Variants in RAB3B observed in about 807,000 individuals in gnomAD.
The protein encoded by RAB3B is ras-related protein Rab-3B.
RAB3B carries 11 observed loss-of-function variants against 20.5 expected under a neutral mutation model. That is an observed-to-expected ratio of 0.54 (90% CI 0.34 to 0.89). The LOEUF is 0.89. Among genes scored for constraint, RAB3B ranks in the 40% least tolerant of loss-of-function variants. RAB3B has a pLI of 0.02. For missense variants in RAB3B, 225 were observed against 280.9 expected, an observed-to-expected ratio of 0.80 and a Z score of 1.42; for synonymous variants, 99 against 106.3, an observed-to-expected ratio of 0.93 and a Z score of 0.42.
In RAB3B at chr1:51,909,217, AAAG is replaced by A. The variant is rs1406051184; in HGVS notation, c.*10707_*10709del. The A allele has an allele frequency of 6.6e-6, 1 of 152,106 alleles. No individual in the cohort carries two copies. Among genetic ancestry groups the A allele is most frequent in the Admixed American group, 6.6e-5 (1 of 15,242 alleles). 9.4% of individuals were successfully genotyped at this position (152,106 alleles called of 1,614,324 possible). ...GTATTGAGGTGGAGGGAAGGAGCTG[AAAG>A]AAGGAGGGGATCCTTGGAAAGGGCT... is the stretch of plus-strand genomic sequence containing the variant. On this transcript the variant is annotated 3_prime_UTR_variant, in exon 5 of 5. Coordinates refer to ENST00000371655, the MANE Select transcript of RAB3B (RefSeq NM_002867.4).
intron 2 of RAB3B, among the ~76,000 whole-genome samples, chr1:51,942,384 T>A (rs1684506263): frequency 6.6e-6 from 1 of 152,252 alleles, no homozygotes; most frequent in African/African-American, 2.4e-5. Context: ...AGTTTGGACA[T>A]GGAGTCAGTT....
rs1325805389 is a variant in RAB3B at position 51,915,216 on chromosome 1, C to T, written c.*4711G>A. 6.6e-6 allele frequency: 1 copy of T among 152,080 alleles called. No homozygotes were observed. The highest frequency in any genetic ancestry group is 2.1e-4 in the South Asian group (1 of 4,806). 9.4% of individuals were successfully genotyped at this position (152,080 alleles called of 1,614,324 possible). A position where few individuals can be genotyped will look rare whatever the true frequency, so the allele number is the denominator to read the frequency against. On this transcript the variant is annotated 3_prime_UTR_variant, in exon 5 of 5. Transcript: ENST00000371655. ...AATAATATTTTAGAAACAGCATCTCCATTAGATCATAGGACCTTGCAGGCA... is the reference window on the plus strand; with the variant it reads ...AATAATATTTTAGAAACAGCATCTCTATTAGATCATAGGACCTTGCAGGCA...
In RAB3B at chr1:51,918,821, C is replaced by T. The variant is rs548272027; in HGVS notation, c.*1106G>A. 2 of 152,312 alleles carry T rather than the reference C, an allele frequency of 1.3e-5. No homozygotes were observed. Among genetic ancestry groups the T allele is most frequent in the East Asian group, 3.9e-4 (2 of 5,182 alleles). The allele number at this position is 152,312 out of a possible 1,614,324, so 9.4% of individuals were successfully genotyped here. ...TTCACTAAGTTCCCACAGTTAAGAA[C>T]CAACTGGAAAGCAGCAAAATCAGAA... On this transcript the variant is annotated 3_prime_UTR_variant, in exon 5 of 5. Transcript: ENST00000371655.
chr1:51,979,484 T>C (rs901261388), intron 1 of RAB3B, among the ~76,000 whole-genome samples: 2 of 151,892 alleles, frequency 1.3e-5, no homozygotes, highest in African/African-American at 4.8e-5. Context: ...TTGGCCAGGC[T>C]GGTCTCGAAC....
chr1:51,974,730 T>C (rs1364937238), intron 2 of RAB3B, among the ~76,000 whole-genome samples: 1 of 152,226 alleles, frequency 6.6e-6, no homozygotes, highest in Non-Finnish European at 1.5e-5. Flanking sequence ...GCAAGTTAAC[T>C]AATCTCTGAG....
Position 51,920,025 on chromosome 1 carries a change from A to T in RAB3B, c.562T>A (p.Ser188Thr). The T allele has an allele frequency of 6.2e-7, 1 of 1,614,186 alleles. No homozygotes were observed. The highest frequency in any genetic ancestry group is 8.5e-7 in the Non-Finnish European group (1 of 1,180,010). The change falls in exon 5 of 5, where the codon TCT becomes ACT. Residue 188 changes from serine (S) to threonine (T), a missense_variant. Ser to Thr is a moderately conservative substitution (Grantham distance 58). Coordinates refer to ENST00000371655, the MANE Select transcript of RAB3B (RefSeq NM_002867.4). ...GACGGGTCTGTGTCCAGCGAATCAG[A>T]CATCTTGTCACAAATGGCATCCACC... ...RLVDAICDKMSDSLDTDPSML... is the reference protein window; with the variant it reads ...RLVDAICDKMTDSLDTDPSML...
Position 51,988,573 on chromosome 1 carries a change from G to GA in RAB3B, c.-1+1978_-1+1979insT, listed in dbSNP as rs1685179093. ...CTCTCTCTTTGTACATTGTTTTACAGTTTACAAAGTTCTTTTCACCCACAT... is the reference window on the plus strand; with the variant it reads ...CTCTCTCTTTGTACATTGTTTTACAGATTTACAAAGTTCTTTTCACCCACAT... On this transcript the variant is annotated intron_variant, in intron 1 of 4. Coordinates refer to ENST00000371655, the MANE Select transcript of RAB3B (RefSeq NM_002867.4). Among the ~76,000 whole-genome samples the GA allele has an allele frequency of 9.9e-5, 15 of 152,284 alleles. 1 individual carries two copies. In the South Asian group the frequency reaches 3.1e-3, roughly 32 times the overall value.
rs1472972198 is a variant in RAB3B, at chr1:51,915,805, T to G, written c.*4122A>C. 6.6e-6 allele frequency: 1 copy of G among 152,550 alleles called. No individual in the cohort carries two copies. Among genetic ancestry groups the G allele is most frequent in the Non-Finnish European group, 1.5e-5 (1 of 68,320 alleles). 9.4% of individuals were successfully genotyped at this position (152,550 alleles called of 1,614,324 possible). On this transcript the variant is annotated 3_prime_UTR_variant, in exon 5 of 5. Coordinates refer to ENST00000371655, the MANE Select transcript of RAB3B (RefSeq NM_002867.4). ...TGCCTCCCAGGTTCAAGCGATTCTC[T>G]GCCTCAGCCTCCTGAGTAGGGATTT... is the stretch of plus-strand genomic sequence containing the variant.
intron 1 of RAB3B, among the ~76,000 whole-genome samples, chr1:51,982,625 C>T (rs911932973): frequency 2.0e-5 from 3 of 151,738 alleles, no homozygotes; most frequent in Admixed American, 6.6e-5. Context: ...TGGTGGTGCG[C>T]ACCTGTAATC....
chr1:51,967,521 C>CTTTTTTTTCTTTTTTTTTTTTTT (rs1684870982), intron 2 of RAB3B, among the ~76,000 whole-genome samples: 1 of 36,496 alleles, frequency 2.7e-5, no homozygotes, highest in Non-Finnish European at 5.7e-5. Flanking sequence ...TTTTCTTTTT[C>CTTTTTTTTCTTTTTTTTTTTTTT]TTTTTTTTTT....
intron 4 of RAB3B, among the ~76,000 whole-genome samples, chr1:51,926,944 A>G (rs549761949): frequency 6.6e-6 from 1 of 152,340 alleles, no homozygotes; most frequent in East Asian, 1.9e-4. Flanking sequence ...TATACTATGT[A>G]CTATACAGCA....
At chr1:51,940,908 T>C (rs1266427135) in intron 2 of RAB3B, among the ~76,000 whole-genome samples, 6 of 152,064 alleles carry the variant, frequency 3.9e-5, no homozygotes, top group Non-Finnish European at 4.4e-5. Flanking sequence ...GTGAGTCATG[T>C]ATTGGCTCTT....
At chr1:51,954,963 A>T (rs1684688302) in intron 2 of RAB3B, among the ~76,000 whole-genome samples, 1 of 152,256 alleles carries the variant, frequency 6.6e-6, no homozygotes, top group Non-Finnish European at 1.5e-5. Flanking sequence ...TGACGAGAAC[A>T]GAAAGCCACT....
intron 2 of RAB3B, among the ~76,000 whole-genome samples, chr1:51,971,635 T>C (rs1409767374): frequency 6.6e-6 from 1 of 152,032 alleles, no homozygotes; most frequent in Non-Finnish European, 1.5e-5. Flanking sequence ...GGTTTCACTA[T>C]GTTGGCCAGG....
rs61590258 is a variant in RAB3B, at chr1:51,912,542, T to TAAAAAAAA, written c.*7377_*7384dup. 70 of 6,376 alleles carry TAAAAAAAA rather than the reference T, an allele frequency of 0.011. 16 individuals are homozygous for TAAAAAAAA. Among genetic ancestry groups the TAAAAAAAA allele is most frequent in the Admixed American group, 0.014 (4 of 276 alleles). 0.4% of individuals were successfully genotyped at this position (6,376 alleles called of 1,614,324 possible). A position where few individuals can be genotyped will look rare whatever the true frequency, so the allele number is the denominator to read the frequency against. On this transcript the variant is annotated 3_prime_UTR_variant, in exon 5 of 5. Transcript: ENST00000371655. ...GGCAACATAGCAAGACCGTCTCTAT[T>TAAAAAAAA]AAAAAAAAAAAAATATATATATATA...
At chr1:51,938,547 G>A (rs1684444106) in intron 2 of RAB3B, among the ~76,000 whole-genome samples, 1 of 152,052 alleles carries the variant, frequency 6.6e-6, no homozygotes, top group Non-Finnish European at 1.5e-5. Context: ...GACAATACTT[G>A]TATGTGTGAT....
chr1:51,930,082 G>C (rs931937805), intron 4 of RAB3B, among the ~76,000 whole-genome samples: 2 of 152,186 alleles, frequency 1.3e-5, no homozygotes, highest in African/African-American at 4.8e-5. Flanking sequence ...GTCGAGTTAG[G>C]CAGAGATGGG....
At chr1:51,947,496 C>T (rs1305825898) in intron 2 of RAB3B, among the ~76,000 whole-genome samples, 1 of 152,176 alleles carries the variant, frequency 6.6e-6, no homozygotes, top group East Asian at 1.9e-4. Flanking sequence ...TCTTTAGCCC[C>T]CAAGATCCTC....
intron 4 of RAB3B, among the ~76,000 whole-genome samples, chr1:51,931,398 T>A (rs932299119): frequency 1.1e-4 from 16 of 152,190 alleles, no homozygotes; most frequent in Non-Finnish European, 1.0e-4. Flanking sequence ...GGACTATGAC[T>A]GTTACTGTAG....
Sources: gnomAD v4.1 joint callset for allele counts (sites outside exome capture counted in the v4.1 genomes callset) on GRCh38, gnomAD v4.1.1 for gene constraint, MANE v1.5 for transcripts, NCBI Gene and HGNC (gene_info 2026-07-23, HGNC 2026-07-21) for gene names.